Variants in ABTB3 observed in about 807,000 individuals in gnomAD.
ABTB3 encodes ankyrin repeat and BTB domain containing 3, also known as ankyrin repeat- and BTB/POZ domain-containing protein 3.
chr12:107,547,949 C>T, the ABTB3 span, among the ~76,000 whole-genome samples: 1 of 152,166 alleles, frequency 6.6e-6, no homozygotes, highest in Non-Finnish European at 1.5e-5. Context: ...TTTTCATTGT[C>T]CTTAAAGAAA....
the ABTB3 span, among the ~76,000 whole-genome samples, chr12:107,519,704 G>A: frequency 3.3e-5 from 5 of 152,114 alleles, no homozygotes; most frequent in Non-Finnish European, 7.4e-5. Context: ...TGACTCCATC[G>A]TGTTTGTTAA....
At chr12:107,583,542 C>T in the ABTB3 span, among the ~76,000 whole-genome samples, 4 of 152,202 alleles carry the variant, frequency 2.6e-5, no homozygotes, top group African/African-American at 7.2e-5. Context: ...TCACCCTAGA[C>T]CTAGACAAGC....
the ABTB3 span, among the ~76,000 whole-genome samples, chr12:107,370,757 ATTTTT>A: frequency 7.4e-3 from 643 of 87,468 alleles, 7 homozygotes; most frequent in African/African-American, 0.027. Context: ...CAAAAAAGGG[ATTTTT>A]TTTTTTTTTT....
At chr12:107,424,450 G>A in the ABTB3 span, among the ~76,000 whole-genome samples, 2 of 152,196 alleles carry the variant, frequency 1.3e-5, no homozygotes, top group Non-Finnish European at 2.9e-5. Context: ...AGAGTAGAGA[G>A]GAAGATGCAG....
At chr12:107,451,039 C>A in the ABTB3 span, among the ~76,000 whole-genome samples, 2 of 152,164 alleles carry the variant, frequency 1.3e-5, no homozygotes, top group East Asian at 3.9e-4. Context: ...AGGAATTCAG[C>A]ATTAGAAACG....
At chr12:107,425,877 C>G in the ABTB3 span, among the ~76,000 whole-genome samples, 1 of 152,208 alleles carries the variant, frequency 6.6e-6, no homozygotes, top group Non-Finnish European at 1.5e-5. Flanking sequence ...CTTTCAAGTC[C>G]CACATTCTGG....
chr12:107,393,820 C>T, the ABTB3 span, among the ~76,000 whole-genome samples: 1 of 152,266 alleles, frequency 6.6e-6, no homozygotes. Context: ...GTCCCAGCTA[C>T]TCAGGAGGCT....
the ABTB3 span, among the ~76,000 whole-genome samples, chr12:107,571,243 C>T: frequency 1.3e-3 from 201 of 152,318 alleles, 2 homozygotes; most frequent in African/African-American, 4.6e-3. Flanking sequence ...CCTTACAATT[C>T]CCCTGTTTCA....
At chr12:107,607,728 G>C in the ABTB3 span, among the ~76,000 whole-genome samples, 1 of 152,154 alleles carries the variant, frequency 6.6e-6, no homozygotes, top group Non-Finnish European at 1.5e-5. Context: ...TTCATGTCTT[G>C]CATCTAGAGC....
At chr12:107,469,938 CTTTCTCTTTCTT>C in the ABTB3 span, among the ~76,000 whole-genome samples, 4 of 90,852 alleles carry the variant, frequency 4.4e-5, no homozygotes, top group East Asian at 6.8e-4. Flanking sequence ...CTCTCTCTTT[CTTTCTCTTTCTT>C]TCTTTCTTTC....
the ABTB3 span, among the ~76,000 whole-genome samples, chr12:107,369,706 G>GTTTTTT: frequency 5.3e-5 from 4 of 74,776 alleles, no homozygotes; most frequent in African/African-American, 1.8e-4. Context: ...GCCCAAACAT[G>GTTTTTT]GTTTTTTTTT....
the ABTB3 span, among the ~76,000 whole-genome samples, chr12:107,534,227 A>C: frequency 6.6e-6 from 1 of 151,800 alleles, no homozygotes; most frequent in East Asian, 1.9e-4. Flanking sequence ...AAAAAAAAAA[A>C]TTTAAGAAAT....
At chr12:107,544,001 C>A in the ABTB3 span, 2 of 1,612,928 alleles carry the variant, frequency 1.2e-6, no homozygotes, top group South Asian at 1.1e-5. Context: ...GGCAATGGCA[C>A]CCCCCTGCAC....
the ABTB3 span, among the ~76,000 whole-genome samples, chr12:107,526,089 A>G: frequency 6.6e-6 from 1 of 152,334 alleles, no homozygotes; most frequent in South Asian, 2.1e-4. Flanking sequence ...TGAATAATGA[A>G]TGACCTAAAG....
At chr12:107,557,279 G>C in the ABTB3 span, among the ~76,000 whole-genome samples, 1 of 152,078 alleles carries the variant, frequency 6.6e-6, no homozygotes, top group Non-Finnish European at 1.5e-5. Context: ...AACCTGTCTA[G>C]CATGTTACTC....
the ABTB3 span, among the ~76,000 whole-genome samples, chr12:107,335,286 CAAAAAAAAAAAAAAAAAAAAAAAAA>C: frequency 7.5e-4 from 14 of 18,628 alleles, no homozygotes; most frequent in East Asian, 6.9e-3. Flanking sequence ...GACCTTGTCT[CAAAAAAAAAAAAAAAAAAAAAAAAA>C]AAAAAAAAAA....
the ABTB3 span, among the ~76,000 whole-genome samples, chr12:107,468,799 G>A: frequency 6.6e-6 from 1 of 152,112 alleles, no homozygotes; most frequent in Admixed American, 6.5e-5. Flanking sequence ...AAAAAATGGA[G>A]CAGGATATAG....
chr12:107,595,033 T>C, the ABTB3 span, among the ~76,000 whole-genome samples: 1 of 151,824 alleles, frequency 6.6e-6, no homozygotes, highest in African/African-American at 2.4e-5. Context: ...CAGCCAAAAA[T>C]GTCTCCAAAT....
the ABTB3 span, among the ~76,000 whole-genome samples, chr12:107,387,756 G>A: frequency 6.6e-6 from 1 of 152,142 alleles, no homozygotes. Flanking sequence ...CCTCAGAACA[G>A]CCCAGGACAC....
Sources: allele counts gnomAD v4.1 joint callset (sites outside exome capture counted in the v4.1 genomes callset), GRCh38; gene constraint gnomAD v4.1.1; transcripts MANE v1.5; gene names NCBI Gene and HGNC (gene_info 2026-07-23, HGNC 2026-07-21).